PCDHGA9: variants seen among roughly 807,000 people sequenced by gnomAD.
The protein encoded by PCDHGA9 is protocadherin gamma subfamily A, 9, also known as protocadherin gamma-A9.
Under a neutral mutation model 62.5 loss-of-function variants are expected in PCDHGA9, and 37 were observed. The observed-to-expected ratio is 0.59, with a 90% CI of 0.46 to 0.78. The LOEUF is 0.78. PCDHGA9 is among the 30% of genes least tolerant of loss of function. The pLI, the probability that PCDHGA9 is intolerant of heterozygous loss-of-function variation, is 0.00. For synonymous variants in PCDHGA9, 459 were observed against 484.6 expected (o/e 0.95, Z 0.69); for missense variants, 1,138 against 1,166.2 (o/e 0.98, Z 0.35).
chr5:141,430,822 G>C lies in PCDHGA9; in HGVS notation c.2424+25446G>C, dbSNP rs752634890. 5.8e-6 allele frequency: 9 copies of C among 1,542,380 alleles called. No homozygotes were observed. The African/African-American group carries it at 1.1e-4, about 19-fold the overall frequency. On this transcript the variant is annotated intron_variant, in intron 1 of 3. Transcript: ENST00000573521. ...TTGTCCTGCTGGGAATCCTCCTGGGGACTCTGTGGGAGACCGGATGCACCC... is the reference window on the plus strand; with the variant it reads ...TTGTCCTGCTGGGAATCCTCCTGGGCACTCTGTGGGAGACCGGATGCACCC...
At chr5:141,466,143 C>T (rs2099117622) in intron 1 of PCDHGA9, among the ~76,000 whole-genome samples, 1 of 151,816 alleles carries the variant, frequency 6.6e-6, no homozygotes, top group Admixed American at 6.6e-5. Flanking sequence ...CAAGTGAAAA[C>T]TCTGGTCTTA....
At position 141,424,020 on chromosome 5, in the gene PCDHGA9, C is replaced by A. The variant is rs1326303938; in HGVS notation, c.2424+18644C>A. ...TATATAGATACAAATTAATGATTCA[C>A]AAACACTTTTTATTTCCATTTCAAT... On this transcript the variant is annotated intron_variant, in intron 1 of 3. Coordinates refer to ENST00000573521, the MANE Select transcript of PCDHGA9 (RefSeq NM_018921.3). 3 of 1,050,122 alleles carry A rather than the reference C, an allele frequency of 2.9e-6. No individual in the cohort carries two copies. In the East Asian group the frequency reaches 2.2e-4, roughly 77 times the overall value. The allele number at this position is 1,050,122 out of a possible 1,614,324, so 65.1% of individuals were successfully genotyped here. A position where few individuals can be genotyped will look rare whatever the true frequency, so the allele number is the denominator to read the frequency against.
rs761189685 is a variant in PCDHGA9 at position 141,404,203 on chromosome 5, A to G, written c.1251A>G (p.Glu417=). The change falls in exon 1 of 4, where the codon GAA becomes GAG. Residue 417 remains glutamate (E), a synonymous_variant. Coordinates refer to ENST00000573521, the MANE Select transcript of PCDHGA9 (RefSeq NM_018921.3). Reference sequence around the variant, plus strand: ...TTCTTGACCGAGAAAAAGCCTCAGAATATAATATCACGGTGACTGCAACAG... The same window carrying G: ...TTCTTGACCGAGAAAAAGCCTCAGAGTATAATATCACGGTGACTGCAACAG... ...AQILDREKAS[E]YNITVTATDR... is the part of the protein sequence containing the mutation. 11 of 1,613,806 alleles carry G rather than the reference A, an allele frequency of 6.8e-6. No individual in the cohort carries two copies. In the South Asian group the frequency reaches 1.2e-4, roughly 18 times the overall value.
rs2097504446 is a variant in PCDHGA9, at chr5:141,432,472, T to C, written c.2424+27096T>C. The C allele has an allele frequency of 9.9e-6, 16 of 1,614,012 alleles. No homozygotes were observed. Among genetic ancestry groups the C allele is most frequent in the Non-Finnish European group, 1.4e-5 (16 of 1,180,036 alleles). ...TGTACCCCGCCCTCCCCACGGACGG[T>C]TCCACTGGCGTGGAGCTGGCTCCCC... On this transcript the variant is annotated intron_variant, in intron 1 of 3. Transcript: ENST00000573521. This position sits in a 1 kb window ranked among gnomAD's most constrained non-coding sequence, Gnocchi z 6.0.
At chr5:141,453,029 A>G (rs1014709934) in intron 1 of PCDHGA9, among the ~76,000 whole-genome samples, 1 of 152,206 alleles carries the variant, frequency 6.6e-6, no homozygotes, top group Non-Finnish European at 1.5e-5. Context: ...TCATTAAAAT[A>G]AAGTTTGTTT....
chr5:141,467,063 T>C (rs1405374001), intron 1 of PCDHGA9, among the ~76,000 whole-genome samples: 2 of 151,716 alleles, frequency 1.3e-5, no homozygotes, highest in African/African-American at 2.4e-5. Flanking sequence ...TTCTTTTTTT[T>C]TTTTTTTTAG....
chr5:141,444,377 G>A (rs1035830834), intron 1 of PCDHGA9, among the ~76,000 whole-genome samples: 3 of 151,802 alleles, frequency 2.0e-5, no homozygotes, highest in Non-Finnish European at 4.4e-5. Context: ...CTCCATGTTG[G>A]TCAGGCTAGT....
At chr5:141,409,096 A>T (rs968537361) in intron 1 of PCDHGA9, 8 of 1,613,956 alleles carry the variant, frequency 5.0e-6, no homozygotes, top group African/African-American at 1.3e-5. Flanking sequence ...ATGAGAAAAC[A>T]GGTATGATTA....
chr5:141,433,935 T>C (rs2097665519), intron 1 of PCDHGA9, among the ~76,000 whole-genome samples: 1 of 152,150 alleles, frequency 6.6e-6, no homozygotes, highest in African/African-American at 2.4e-5. Context: ...GATTTTATAA[T>C]TCCATTGTTT....
chr5:141,501,897 C>T (rs796164763), intron 2 of PCDHGA9, among the ~76,000 whole-genome samples: 17 of 152,230 alleles, frequency 1.1e-4, no homozygotes, highest in African/African-American at 3.4e-4. Flanking sequence ...ATCATGGTTC[C>T]AACCCCACTG....
In PCDHGA9 at chr5:141,476,575, C is replaced by A; in HGVS notation, c.2425-18232C>A. 6 of 1,614,232 alleles carry A rather than the reference C, an allele frequency of 3.7e-6. No homozygotes were observed. The highest frequency in any genetic ancestry group is 5.1e-6 in the Non-Finnish European group (6 of 1,180,042). The stretch of plus-strand genomic sequence containing the variant: ...GCGAGGCCGTGGCTCCGGGGACGCG[C>A]TTTCCGCTCGAGAGCGCGCACGATC... On this transcript the variant is annotated intron_variant, in intron 1 of 3. Transcript: ENST00000573521. This position sits in a 1 kb window ranked among gnomAD's most constrained non-coding sequence, Gnocchi z 7.6.
chr5:141,431,724 T>G lies in PCDHGA9; in HGVS notation c.2424+26348T>G, dbSNP rs758754345. On this transcript the variant is annotated intron_variant, in intron 1 of 3. Transcript: ENST00000573521. The surrounding 1 kb of genome is among the most constrained non-coding windows in gnomAD (Gnocchi z 4.8). ...TTCTACCAGATGGAAGTGCAAGCAA[T>G]GGATAATGCAGGATATTCTGCGCGA... 1 of 1,614,036 alleles carries G rather than the reference T, an allele frequency of 6.2e-7. No individual in the cohort carries two copies. Among genetic ancestry groups the G allele is most frequent in the Non-Finnish European group, 8.5e-7 (1 of 1,180,036 alleles).
At chr5:141,425,624 G>T (rs1007643604) in intron 1 of PCDHGA9, among the ~76,000 whole-genome samples, 1 of 152,184 alleles carries the variant, frequency 6.6e-6, no homozygotes, top group African/African-American at 2.4e-5. Flanking sequence ...TGCTCCTCCA[G>T]TTTTCTCTGA....
chr5:141,465,801 C>T (rs1380215288), intron 1 of PCDHGA9, among the ~76,000 whole-genome samples: 2 of 151,400 alleles, frequency 1.3e-5, no homozygotes, highest in Non-Finnish European at 2.9e-5. Context: ...TTAAGAAACC[C>T]TTCAGGATCT....
At chr5:141,430,878 A>G in intron 1 of PCDHGA9, 1 of 1,600,748 alleles carries the variant, frequency 6.2e-7, no homozygotes, top group Admixed American at 1.8e-5. Context: ...GAAGAGCTGG[A>G]GAAAGGCTCT....
Position 141,505,432 on chromosome 5 carries a change from C to T in PCDHGA9, c.2523C>T (p.Asn841=), listed in dbSNP as rs776731214. Residue 841 remains asparagine, a synonymous_variant, in exon 3 of 4, where the codon AAC becomes AAT. Transcript: ENST00000573521. ...ATGACACCGGCACCTGGCCCAACAA[C>T]CAGTTTGACACAGAGATGCTGCAAG... ...NGDDTGTWPN[N]QFDTEMLQAM... 6.2e-7 allele frequency: 1 copy of T among 1,614,252 alleles called. No homozygotes were observed. Among genetic ancestry groups the T allele is most frequent in the Non-Finnish European group, 8.5e-7 (1 of 1,180,048 alleles).
At chr5:141,412,300 A>T (rs1422841541) in intron 1 of PCDHGA9, 2 of 152,248 alleles carry the variant, frequency 1.3e-5, no homozygotes, top group Non-Finnish European at 2.9e-5. Context: ...TTCTTTTCTC[A>T]TTACAATGCA....
intron 1 of PCDHGA9, chr5:141,419,831 G>C: frequency 1.9e-6 from 3 of 1,614,048 alleles, no homozygotes; most frequent in Non-Finnish European, 2.5e-6. Context: ...TTCAGCCACT[G>C]CCACGCTGCA....
At chr5:141,426,033 C>G (rs978171140) in intron 1 of PCDHGA9, among the ~76,000 whole-genome samples, 14 of 152,162 alleles carry the variant, frequency 9.2e-5, no homozygotes, top group African/African-American at 3.1e-4. Context: ...AGACTCAGAG[C>G]CCTGCTGTTG....
Sources: allele counts gnomAD v4.1 joint callset (sites outside exome capture counted in the v4.1 genomes callset), GRCh38; gene constraint gnomAD v4.1.1; non-coding constraint Gnocchi (gnomAD v3.1); transcripts MANE v1.5; gene names NCBI Gene and HGNC (gene_info 2026-07-23, HGNC 2026-07-21).